DEPDC4: variants seen among roughly 807,000 people sequenced by gnomAD.
DEPDC4 encodes the protein DEP domain containing 4.
DEPDC4 carries 52 observed loss-of-function variants against 52.0 expected under a neutral mutation model. That is an observed-to-expected ratio of 1.00 (90% CI 0.80 to 1.26). The LOEUF (loss-of-function observed/expected upper bound fraction) is 1.26, where lower values mean the gene tolerates loss of function less well. Among genes scored for constraint, DEPDC4 ranks in the 50% most tolerant of loss-of-function variants. The probability of loss-of-function intolerance (pLI) is 0.00; values close to 1 mark genes in which losing one functional copy is unlikely to be tolerated. For missense variants in DEPDC4, 530 were observed against 546.9 expected, an observed-to-expected ratio of 0.97 and a Z score of 0.31; for synonymous variants, 201 against 196.8, an observed-to-expected ratio of 1.02 and a Z score of -0.18.
chr12:100,233,529 ATTAGAG>A (rs1350747794), intron 9 of DEPDC4, among the ~76,000 whole-genome samples: 3 of 152,168 alleles, frequency 2.0e-5, no homozygotes, highest in Admixed American at 2.0e-4. Flanking sequence ...TGTTCTTTGT[ATTAGAG>A]TTACTTTTCC....
chr12:100,261,080 C>CT (rs2096251994), intron 3 of DEPDC4, among the ~76,000 whole-genome samples: 1 of 150,940 alleles, frequency 6.6e-6, no homozygotes, highest in South Asian at 2.1e-4. Flanking sequence ...ACTCTGGAGG[C>CT]TGAGGCAGGA....
the DEPDC4 span, among the ~76,000 whole-genome samples, chr12:100,275,413 C>A: frequency 6.6e-6 from 1 of 152,160 alleles, no homozygotes; most frequent in Non-Finnish European, 1.5e-5. Flanking sequence ...CCAGGCTGAT[C>A]TCAAACTCCT....
the DEPDC4 span, among the ~76,000 whole-genome samples, chr12:100,279,329 C>T: frequency 6.6e-5 from 10 of 152,216 alleles, no homozygotes; most frequent in African/African-American, 2.2e-4. Flanking sequence ...TGAGAGGAGG[C>T]GGAGCTTAGG....
At position 100,252,219 on chromosome 12, in the gene DEPDC4, T is replaced by C; in HGVS notation, c.1331A>G (p.Gln444Arg). The change falls in exon 7 of 10, where the codon CAA becomes CGA. Residue 444 changes from glutamine to arginine, a missense_variant. Transcript: ENST00000550587. ...AKSLLKVRAE[Q>R]LVWFPLEYHS... ...GTACTCCAGTGGAAACCAGACCAGTTGTTCTGCCCGCACTTTTAATAATGA... is the reference window on the plus strand; with the variant it reads ...GTACTCCAGTGGAAACCAGACCAGTCGTTCTGCCCGCACTTTTAATAATGA... The C allele has an allele frequency of 7.7e-7, 1 of 1,303,608 alleles. No homozygotes were observed. Among genetic ancestry groups the C allele is most frequent in the Non-Finnish European group, 9.8e-7 (1 of 1,018,104 alleles). The allele number at this position is 1,303,608 out of a possible 1,614,324, so 80.8% of individuals were successfully genotyped here.
chr12:100,278,567 AGTTTAAAGACCTCATTCAGTT>A, the DEPDC4 span, among the ~76,000 whole-genome samples: 1 of 151,546 alleles, frequency 6.6e-6, no homozygotes, highest in African/African-American at 2.4e-5. Flanking sequence ...TTCGTTTAGC[AGTTTAAAGACCTCATTCAGTT>A]GTTCTTTGGC....
intron 8 of DEPDC4, among the ~76,000 whole-genome samples, chr12:100,247,297 C>T (rs1469068363): frequency 6.6e-6 from 1 of 150,780 alleles, no homozygotes; most frequent in Non-Finnish European, 1.5e-5. Context: ...CAACCTCCGC[C>T]TCCTGGGTTC....
intron 8 of DEPDC4, among the ~76,000 whole-genome samples, chr12:100,244,428 G>A (rs955760968): frequency 1.3e-5 from 2 of 151,364 alleles, no homozygotes; most frequent in Non-Finnish European, 2.9e-5. Flanking sequence ...TGATCCACCC[G>A]CCTCGGCCTC....
At chr12:100,268,734 A>G (rs903894432), upstream of DEPDC4, among the ~76,000 whole-genome samples, 3 of 152,194 alleles carry the variant, frequency 2.0e-5, no homozygotes, top group Non-Finnish European at 4.4e-5. Context: ...TCATATTCAC[A>G]TGTTTGAAAT....
chr12:100,253,453 TA>T, intron 5 of DEPDC4, 35 bp downstream of exon 5: 1 of 951,502 alleles, frequency 1.1e-6, no homozygotes, highest in South Asian at 1.5e-5. Context: ...AATGTTTTAT[TA>T]CACCAAAAAT....
At chr12:100,246,524 G>A (rs540495108) in intron 8 of DEPDC4, among the ~76,000 whole-genome samples, 1 of 152,274 alleles carries the variant, frequency 6.6e-6, no homozygotes, top group East Asian at 1.9e-4. Flanking sequence ...ATTTTGTGGT[G>A]CTTATACAAG....
chr12:100,233,751 A>C (rs1343328743), intron 9 of DEPDC4, among the ~76,000 whole-genome samples: 1 of 152,196 alleles, frequency 6.6e-6, no homozygotes, highest in East Asian at 1.9e-4. Flanking sequence ...CAGCAAATAG[A>C]AGCACTTGCA....
intron 3 of DEPDC4, among the ~76,000 whole-genome samples, chr12:100,258,946 C>T (rs2096243964): frequency 1.3e-5 from 2 of 151,896 alleles, no homozygotes; most frequent in African/African-American, 4.8e-5. Context: ...TGGTGTGTGC[C>T]TGTAATCCCA....
At chr12:100,267,083 G>A (rs2096277799), upstream of DEPDC4, 9 of 1,611,272 alleles carry the variant, frequency 5.6e-6, no homozygotes, top group African/African-American at 5.3e-5. Context: ...CCATAGCCCC[G>A]CCCCACCTGA....
chr12:100,252,975 G>A (rs984579835), intron 5 of DEPDC4, among the ~76,000 whole-genome samples: 19 of 152,230 alleles, frequency 1.2e-4, no homozygotes, highest in African/African-American at 4.6e-4. Context: ...GGTGCGCAGT[G>A]GCGCGATCTC....
intron 9 of DEPDC4, among the ~76,000 whole-genome samples, chr12:100,234,178 A>G (rs1465238778): frequency 6.6e-6 from 1 of 152,208 alleles, no homozygotes; most frequent in Non-Finnish European, 1.5e-5. Context: ...AAATTGTTCA[A>G]TGATACTTGT....
chr12:100,232,758 C>T (rs2096136477), intron 9 of DEPDC4, among the ~76,000 whole-genome samples: 1 of 152,172 alleles, frequency 6.6e-6, no homozygotes, highest in Non-Finnish European at 1.5e-5. Flanking sequence ...TGGCGCATGC[C>T]TGTAATCCCA....
intron 8 of DEPDC4, among the ~76,000 whole-genome samples, chr12:100,245,815 A>G (rs977157610): frequency 6.6e-6 from 1 of 152,172 alleles, no homozygotes; most frequent in Non-Finnish European, 1.5e-5. Flanking sequence ...CACTTCCTTA[A>G]AAATAATTTT....
downstream of DEPDC4, among the ~76,000 whole-genome samples, chr12:100,239,091 T>A (rs2096148708): frequency 6.6e-6 from 1 of 152,188 alleles, no homozygotes; most frequent in Admixed American, 6.6e-5. Context: ...TTGTTAGTTT[T>A]TTTGAGACAG....
chr12:100,239,027 T>C (rs2096148483), downstream of DEPDC4, among the ~76,000 whole-genome samples: 1 of 152,182 alleles, frequency 6.6e-6, no homozygotes, highest in African/African-American at 2.4e-5. Flanking sequence ...AGAAAGTGTA[T>C]TGTACTTTGG....
Sources: gnomAD v4.1 joint callset for allele counts (sites outside exome capture counted in the v4.1 genomes callset) on GRCh38, gnomAD v4.1.1 for gene constraint, MANE v1.5 for transcripts, NCBI Gene and HGNC (gene_info 2026-07-23, HGNC 2026-07-21) for gene names.